The following DHRS9 variants were observed in gnomAD, a reference collection of about 807,000 sequenced individuals.
DHRS9 encodes dehydrogenase/reductase 9.
A neutral mutation model predicts 26.6 loss-of-function variants in DHRS9; 18 were observed. The observed-to-expected ratio is 0.68, with a 90% confidence interval of 0.47 to 1.00. The LOEUF (loss-of-function observed/expected upper bound fraction) is 1.00, where lower values mean the gene tolerates loss of function less well. Ranked by LOEUF, DHRS9 falls within the 50% of genes least tolerant of loss-of-function variation. DHRS9 has a pLI of 0.00. For missense variants in DHRS9, 425 were observed against 378.7 expected (o/e 1.12, Z -1.01); for synonymous variants, 134 against 141.1 (o/e 0.95, Z 0.36).
In DHRS9 at chr2:169,077,205, T is replaced by C. The variant is rs544864194; in HGVS notation, c.-59-4318T>C. ...GGTGGAGGCTTGGATTTTATGTGAT[T>C]CTATTTGTTCTTCTCTTTGAATTGT... On this transcript the variant is annotated intron_variant, in intron 1 of 4. Transcript: ENST00000674881. 3.0e-4 allele frequency among the ~76,000 whole-genome samples: 46 copies of C among 152,342 alleles called. 1 individual carries two copies. The South Asian group carries it at 9.5e-3, about 32-fold the overall frequency.
intron 4 of DHRS9, among the ~76,000 whole-genome samples, chr2:169,092,965 C>A (rs1684579887): frequency 6.6e-6 from 1 of 152,110 alleles, no homozygotes; most frequent in Non-Finnish European, 1.5e-5. Flanking sequence ...TGGACCCAGG[C>A]AGCCTGACCG....
chr2:169,080,513 C>T (rs956701071), intron 1 of DHRS9, among the ~76,000 whole-genome samples: 6 of 152,220 alleles, frequency 3.9e-5, no homozygotes, highest in Non-Finnish European at 1.5e-5. Flanking sequence ...TGTTCACTTC[C>T]TCTTTCTGGA....
chr2:169,094,740 GA>G (rs1342305569), intron 4 of DHRS9, among the ~76,000 whole-genome samples: 3 of 151,822 alleles, frequency 2.0e-5, no homozygotes, highest in African/African-American at 7.3e-5. Flanking sequence ...ATTTTAAGTT[GA>G]TTTTTTTATA....
chr2:169,067,725 T>G (rs557475258), upstream of DHRS9, among the ~76,000 whole-genome samples: 1 of 152,128 alleles, frequency 6.6e-6, no homozygotes, highest in South Asian at 2.1e-4. Context: ...AGAGGTGAAA[T>G]GAAAGACAAC....
intron 1 of DHRS9, among the ~76,000 whole-genome samples, chr2:169,071,950 ATAGGTTCCAGTG>A (rs1248265232): frequency 6.6e-6 from 1 of 151,484 alleles, no homozygotes; most frequent in Non-Finnish European, 1.5e-5. Context: ...GTTTATGTCA[ATAGGTTCCAGTG>A]TTCATTTTTT....
chr2:169,072,732 T>A (rs1028331329), intron 1 of DHRS9: 2 of 865,670 alleles, frequency 2.3e-6, no homozygotes, highest in African/African-American at 1.8e-5. Context: ...TTCTTTTGAA[T>A]CTTTGTGATA....
intron 3 of DHRS9, among the ~76,000 whole-genome samples, chr2:169,088,304 G>A (rs1177960699): frequency 6.6e-6 from 1 of 152,150 alleles, no homozygotes; most frequent in Non-Finnish European, 1.5e-5. Flanking sequence ...CACAATCACT[G>A]TGCTCTCCCT....
At chr2:169,091,169 T>C (rs1684509542) in intron 3 of DHRS9, among the ~76,000 whole-genome samples, 1 of 151,930 alleles carries the variant, frequency 6.6e-6, no homozygotes, top group Non-Finnish European at 1.5e-5. Flanking sequence ...ATGATTCCTG[T>C]AAAACCTTGA....
At chr2:169,094,047 C>CA (rs1163199369) in intron 4 of DHRS9, among the ~76,000 whole-genome samples, 1 of 152,182 alleles carries the variant, frequency 6.6e-6, no homozygotes. Flanking sequence ...AATTTACATT[C>CA]TCACAAACAG....
intron 4 of DHRS9, among the ~76,000 whole-genome samples, 198 bp downstream of exon 4, chr2:169,092,151 G>A (rs370937488): frequency 6.6e-6 from 1 of 152,160 alleles, no homozygotes; most frequent in African/African-American, 2.4e-5. Context: ...ATTACAAACT[G>A]CCAAGTTATC....
At chr2:169,095,257 C>T (rs1274620473) in intron 4 of DHRS9, among the ~76,000 whole-genome samples, 1 of 152,124 alleles carries the variant, frequency 6.6e-6, no homozygotes, top group Non-Finnish European at 1.5e-5. Context: ...TCTTGGGCCC[C>T]ACCTCATACC....
chr2:169,092,533 C>G (rs1327082909), intron 4 of DHRS9, among the ~76,000 whole-genome samples: 1 of 152,158 alleles, frequency 6.6e-6, no homozygotes, highest in Non-Finnish European at 1.5e-5. Flanking sequence ...ATCTAACAGC[C>G]CAGAAATGGT....
intron 1 of DHRS9, among the ~76,000 whole-genome samples, chr2:169,073,131 C>T (rs776186850): frequency 2.6e-5 from 4 of 152,096 alleles, no homozygotes; most frequent in African/African-American, 7.2e-5. Context: ...CTTTGCTGTA[C>T]AACATTTACT....
At chr2:169,094,673 T>C (rs1044330208) in intron 4 of DHRS9, among the ~76,000 whole-genome samples, 3 of 150,972 alleles carry the variant, frequency 2.0e-5, no homozygotes, top group African/African-American at 4.9e-5. Flanking sequence ...TGAGCCACCA[T>C]GCCAGGCCTC....
At position 169,071,940 on chromosome 2, in the gene DHRS9, G is replaced by C. The variant is rs549653942; in HGVS notation, c.-60+2223G>C. 1.3e-4 allele frequency among the ~76,000 whole-genome samples: 19 copies of C among 148,590 alleles called. No individual in the cohort carries two copies. In the South Asian group the frequency reaches 2.2e-3, roughly 17 times the overall value. On this transcript the variant is annotated intron_variant, in intron 1 of 4. Transcript: ENST00000674881. ...TTTCTCACAGAAACATAATTTTTTAGTTTATGTCAATAGGTTCCAGTGTTC... is the reference window on the plus strand; with the variant it reads ...TTTCTCACAGAAACATAATTTTTTACTTTATGTCAATAGGTTCCAGTGTTC...
chr2:169,088,128 C>T (rs1684409750), intron 3 of DHRS9, among the ~76,000 whole-genome samples: 3 of 152,160 alleles, frequency 2.0e-5, no homozygotes, highest in Non-Finnish European at 4.4e-5. Context: ...AGCACGTTAG[C>T]CCACACTGTT....
intron 1 of DHRS9, chr2:169,074,305 GA>G: frequency 2.0e-6 from 2 of 985,472 alleles, no homozygotes; most frequent in Non-Finnish European, 2.4e-6. Context: ...GCCCTCTGAT[GA>G]TAGTGAAACT....
At chr2:169,077,842 C>G (rs1032620632) in intron 1 of DHRS9, among the ~76,000 whole-genome samples, 6 of 152,184 alleles carry the variant, frequency 3.9e-5, no homozygotes, top group Non-Finnish European at 7.3e-5. Flanking sequence ...CCCTCATCTA[C>G]TTTCCCCTCT....
At chr2:169,091,487 A>T (rs1211976642) in intron 3 of DHRS9, among the ~76,000 whole-genome samples, 1 of 152,078 alleles carries the variant, frequency 6.6e-6, no homozygotes, top group Non-Finnish European at 1.5e-5. Context: ...CCTGTTCATA[A>T]CCTGAATGTC....
Sources: gnomAD v4.1 joint callset for allele counts (sites outside exome capture counted in the v4.1 genomes callset) on GRCh38, gnomAD v4.1.1 for gene constraint, MANE v1.5 for transcripts, NCBI Gene and HGNC (gene_info 2026-07-23, HGNC 2026-07-21) for gene names.